WWTR1: variants seen among roughly 807,000 people sequenced by gnomAD.
WWTR1 encodes the protein WW domain-containing transcription regulator protein 1.
WWTR1 carries 13 observed loss-of-function variants against 40.1 expected under a neutral mutation model. The ratio of observed to expected loss-of-function variants is 0.32; its 90% CI spans 0.21 to 0.52. The LOEUF is 0.52. Among genes scored for constraint, WWTR1 ranks in the 20% least tolerant of loss-of-function variants. The pLI, the probability that WWTR1 is intolerant of heterozygous loss-of-function variation, is 0.97. For missense variants in WWTR1, 436 were observed against 523.1 expected, an observed-to-expected ratio of 0.83 and a Z score of 1.63; for synonymous variants, 230 against 210.1, an observed-to-expected ratio of 1.09 and a Z score of -0.82.
rs58265640 is a variant in WWTR1 at position 149,636,951 on chromosome 3, A to T, written c.431+19925T>A. On this transcript the variant is annotated intron_variant, in intron 2 of 6. Coordinates refer to ENST00000360632, the MANE Select transcript of WWTR1 (RefSeq NM_015472.6). ...TGCACTCCAGCCTGGGCGACAGAGC[A>T]AGACTGTCTCAAGTGAAAAAAAAAA... is the stretch of plus-strand genomic sequence containing the variant. Among the ~76,000 whole-genome samples the T allele has an allele frequency of 4.2e-3, 584 of 139,672 alleles. 2 individuals carry two copies. Among genetic ancestry groups the T allele is most frequent in the African/African-American group, 0.015 (551 of 36,542 alleles). The allele number at this position is 139,672 out of a possible 152,430, so 91.6% of individuals were successfully genotyped here. A position where few individuals can be genotyped will look rare whatever the true frequency, so the allele number is the denominator to read the frequency against.
chr3:149,595,386 A>AT (rs1443031628), intron 2 of WWTR1, among the ~76,000 whole-genome samples: 1 of 152,104 alleles, frequency 6.6e-6, no homozygotes, highest in African/African-American at 2.4e-5. Flanking sequence ...GTTATTGTTG[A>AT]TTTTGTCACA....
At chr3:149,674,932 A>C (rs537875417) in intron 1 of WWTR1, among the ~76,000 whole-genome samples, 2 of 152,238 alleles carry the variant, frequency 1.3e-5, no homozygotes, top group Admixed American at 6.5e-5. Context: ...TTTTTAAACA[A>C]AAGGGCTAAG....
chr3:149,675,240 C>T (rs560892127), intron 1 of WWTR1, among the ~76,000 whole-genome samples: 2 of 152,320 alleles, frequency 1.3e-5, no homozygotes, highest in South Asian at 2.1e-4. Context: ...TACTCCTTAC[C>T]AGTGACTGAT....
intron 4 of WWTR1, among the ~76,000 whole-genome samples, chr3:149,539,935 A>ATC (rs909458919): frequency 3.9e-5 from 6 of 152,146 alleles, no homozygotes; most frequent in African/African-American, 1.4e-4. Flanking sequence ...ATCTTTGACA[A>ATC]TCAGGAGCAT....
At chr3:149,553,256 G>A (rs1736687628) in intron 3 of WWTR1, among the ~76,000 whole-genome samples, 1 of 152,110 alleles carries the variant, frequency 6.6e-6, no homozygotes, top group Non-Finnish European at 1.5e-5. Context: ...ACCAATTACT[G>A]CCCAATGATC....
At chr3:149,607,961 G>C (rs1212154532) in intron 2 of WWTR1, among the ~76,000 whole-genome samples, 1 of 152,212 alleles carries the variant, frequency 6.6e-6, no homozygotes, top group African/African-American at 2.4e-5. Flanking sequence ...GATTCCATTA[G>C]AATGCAAGTT....
intron 1 of WWTR1, among the ~76,000 whole-genome samples, chr3:149,688,819 C>T (rs1051820025): frequency 1.3e-5 from 2 of 152,206 alleles, no homozygotes; most frequent in South Asian, 2.1e-4. Context: ...TAACCAATCC[C>T]AGAGTGACCG....
intron 1 of WWTR1, among the ~76,000 whole-genome samples, chr3:149,701,149 T>C (rs1032727058): frequency 1.3e-5 from 2 of 152,256 alleles, no homozygotes; most frequent in African/African-American, 2.4e-5. Context: ...TTTTTTTCTT[T>C]TCTTTTTTTA....
chr3:149,576,182 T>G (rs1737870533), intron 2 of WWTR1: 1 of 440,834 alleles, frequency 2.3e-6, no homozygotes. Flanking sequence ...GCTAACATGG[T>G]GTCAAGAGTG....
At chr3:149,613,505 C>T (rs192573569) in intron 2 of WWTR1, among the ~76,000 whole-genome samples, 4 of 152,272 alleles carry the variant, frequency 2.6e-5, no homozygotes, top group Non-Finnish European at 5.9e-5. Context: ...TCTCCACTCC[C>T]GGCATCTCTT....
intron 2 of WWTR1, among the ~76,000 whole-genome samples, chr3:149,593,372 C>T (rs1398417473): frequency 6.6e-6 from 1 of 151,340 alleles, no homozygotes; most frequent in African/African-American, 2.4e-5. Flanking sequence ...TACATGCCCT[C>T]GTCTTAGTTT....
chr3:149,600,286 A>G (rs752939284), intron 2 of WWTR1, among the ~76,000 whole-genome samples: 7 of 152,370 alleles, frequency 4.6e-5, no homozygotes, highest in Non-Finnish European at 7.3e-5. Flanking sequence ...AATCAGTAGC[A>G]GTAGCTTTAA....
At chr3:149,578,210 TATA>T (rs1213580384) in intron 2 of WWTR1, among the ~76,000 whole-genome samples, 1 of 152,106 alleles carries the variant, frequency 6.6e-6, no homozygotes, top group African/African-American at 2.4e-5. Context: ...TGGAGTCACA[TATA>T]CCTGGGTGCC....
At chr3:149,678,037 C>T (rs58910765) in intron 1 of WWTR1, among the ~76,000 whole-genome samples, 4,510 of 151,690 alleles carry the variant, frequency 0.03, 213 homozygotes, top group African/African-American at 0.1. Flanking sequence ...TCTCAAAGTG[C>T]GGGGATTACA....
At position 149,657,142 on chromosome 3, in the gene WWTR1, C is replaced by T. The variant is rs1713289100; in HGVS notation, c.165G>A (p.Glu55=). The T allele has an allele frequency of 6.2e-7, 1 of 1,601,100 alleles. No individual in the cohort carries two copies. The highest frequency in any genetic ancestry group is 8.5e-7 in the Non-Finnish European group (1 of 1,175,258). ...KKILPESFFK[E]PDSGSHSRQS... is the part of the protein sequence containing the mutation. ...GGCGCGAGTGCGAGCCCGAATCAGG[C>T]TCCTTAAAGAAAGACTCCGGCAGGA... Residue 55 remains glutamate, a synonymous_variant, in exon 2 of 7, where the codon GAG becomes GAA. Coordinates refer to ENST00000360632, the MANE Select transcript of WWTR1 (RefSeq NM_015472.6).
chr3:149,627,786 T>G (rs1047835317), intron 2 of WWTR1, among the ~76,000 whole-genome samples: 1 of 152,172 alleles, frequency 6.6e-6, no homozygotes, highest in Non-Finnish European at 1.5e-5. Context: ...CATTAAAAAC[T>G]TATTGGCCGG....
At chr3:149,626,634 T>C (rs1740555789) in intron 2 of WWTR1, among the ~76,000 whole-genome samples, 1 of 151,932 alleles carries the variant, frequency 6.6e-6, no homozygotes, top group Non-Finnish European at 1.5e-5. Context: ...AGAGGTAAAA[T>C]TCTACTCCTT....
intron 2 of WWTR1, among the ~76,000 whole-genome samples, chr3:149,664,995 A>C (rs1713749819): frequency 6.6e-6 from 1 of 152,140 alleles, no homozygotes; most frequent in South Asian, 2.1e-4. Flanking sequence ...TACCTTATGT[A>C]AGTTATTTAT....
At position 149,692,015 on chromosome 3, in the gene WWTR1, C is replaced by CA. The variant is rs775350843; in HGVS notation, c.-108+11108dup. On this transcript the variant is annotated intron_variant, in intron 1 of 7. Transcript: ENST00000465804. ...TGGGTGACAGAGCGAGACTCCGTCT[C>CA]AAAAAAAAAAATCATTTAAAAAGAA... is the stretch of plus-strand genomic sequence containing the variant. Among the ~76,000 whole-genome samples the CA allele has an allele frequency of 7.3e-3, 1,052 of 143,970 alleles. 5 individuals carry two copies. The highest frequency in any genetic ancestry group is 0.01 in the Non-Finnish European group (664 of 65,596). 94.4% of individuals were successfully genotyped at this position (143,970 alleles called of 152,430 possible).
Sources: gnomAD v4.1 joint callset for allele counts (sites outside exome capture counted in the v4.1 genomes callset) on GRCh38, gnomAD v4.1.1 for gene constraint, MANE v1.5 for transcripts, NCBI Gene and HGNC (gene_info 2026-07-23, HGNC 2026-07-21) for gene names.